The following SCN1A variants were observed in gnomAD, a reference collection of about 807,000 sequenced individuals.
The protein encoded by SCN1A is sodium voltage-gated channel alpha subunit 1.
A neutral mutation model predicts 193.7 loss-of-function variants in SCN1A; 13 were observed. The ratio of observed to expected loss-of-function variants is 0.07; its 90% CI spans 0.04 to 0.11. The LOEUF is 0.11. Ranked by LOEUF, SCN1A falls within the 10% of genes least tolerant of loss-of-function variation. SCN1A has a pLI of 1.00. For synonymous variants in SCN1A, 781 were observed against 843.6 expected, an observed-to-expected ratio of 0.93 and a Z score of 1.29; for missense variants, 1,432 against 2,451.1, an observed-to-expected ratio of 0.58 and a Z score of 8.78.
At chr2:166,071,015 G>A (rs17800893) in intron 4 of SCN1A, among the ~76,000 whole-genome samples, 4,364 of 152,204 alleles carry the variant, frequency 0.029, 71 homozygotes, top group Non-Finnish European at 0.043. Context: ...GTAGCAAAAG[G>A]CCTGTTGAGG....
intron 2 of SCN1A, among the ~76,000 whole-genome samples, chr2:166,122,540 A>G (rs1258569994): frequency 1.3e-5 from 2 of 152,210 alleles, no homozygotes; most frequent in Non-Finnish European, 2.9e-5. Flanking sequence ...CTTAAAAGAT[A>G]TATCCCTAGT....
chr2:166,073,590 G>A lies in SCN1A; in HGVS notation c.32C>T (p.Pro11Leu), dbSNP rs1350460260. 1 of 1,613,980 alleles carries A rather than the reference G, an allele frequency of 6.2e-7. No individual in the cohort carries two copies. The highest frequency in any genetic ancestry group is 8.5e-7 in the Non-Finnish European group (1 of 1,180,024). The change falls in exon 4 of 29, where the codon CCT becomes CTT. Residue 11 changes from proline to leucine, a missense_variant. Physicochemically the swap from Pro to Leu is moderately conservative, Grantham distance 98. Transcript: ENST00000674923. Reference sequence around the variant, plus strand: ...TCTGGTGAAGAAGTTGAAGCTGTCAGGTCCTGGTGGTACAAGCACTGTTTG... The same window carrying A: ...TCTGGTGAAGAAGTTGAAGCTGTCAAGTCCTGGTGGTACAAGCACTGTTTG... MEQTVLVPPG[P>L]DSFNFFTRES...
At chr2:166,123,223 C>CAAAAAAAA (rs57488795) in intron 2 of SCN1A, among the ~76,000 whole-genome samples, 17 of 116,386 alleles carry the variant, frequency 1.5e-4, no homozygotes, top group South Asian at 8.4e-4. Context: ...CATTCATTTG[C>CAAAAAAAA]AAAAAAAAAA....
chr2:166,048,788 T>G, intron 10 of SCN1A, 98 bp downstream of exon 10: 1 of 797,602 alleles, frequency 1.3e-6, no homozygotes, highest in South Asian at 1.5e-5. Flanking sequence ...ATAAAATTAG[T>G]TGGCTGTTAT....
chr2:166,041,502 A>G (rs1226838340), intron 15 of SCN1A, 33 bp from the exon 16 acceptor site: 6 of 1,313,260 alleles, frequency 4.6e-6, no homozygotes, highest in Non-Finnish European at 6.5e-6. Context: ...AAGAACCACC[A>G]AAAGGTATAC....
At chr2:166,133,547 C>T (rs1691741581) in intron 1 of SCN1A, among the ~76,000 whole-genome samples, 1 of 152,112 alleles carries the variant, frequency 6.6e-6, no homozygotes, top group Non-Finnish European at 1.5e-5. Flanking sequence ...GATGTAATAG[C>T]ATTATTCCTC....
At chr2:165,996,321 T>C (rs1690052512) in intron 26 of SCN1A, 1 of 408,000 alleles carries the variant, frequency 2.5e-6, no homozygotes, top group African/African-American at 2.1e-5. Context: ...AAATTGACTT[T>C]ATTATTATTA....
chr2:166,033,524 C>T (rs1695917778), intron 19 of SCN1A, among the ~76,000 whole-genome samples: 1 of 151,780 alleles, frequency 6.6e-6, no homozygotes, highest in African/African-American at 2.4e-5. Context: ...AAAAAACTGG[C>T]CTATTAAAGG....
At chr2:166,025,378 G>T (rs1694625143) in intron 19 of SCN1A, among the ~76,000 whole-genome samples, 1 of 152,126 alleles carries the variant, frequency 6.6e-6, no homozygotes, top group African/African-American at 2.4e-5. Flanking sequence ...CTGGCCACAT[G>T]GCTGCTGTAT....
At chr2:166,128,379 A>G (rs1028115521), upstream of SCN1A, among the ~76,000 whole-genome samples, 2 of 152,170 alleles carry the variant, frequency 1.3e-5, no homozygotes, top group Non-Finnish European at 2.9e-5. Context: ...AATCATTGTT[A>G]TCTATAAAAA....
intron 2 of SCN1A, among the ~76,000 whole-genome samples, chr2:166,083,522 A>C (rs891627488): frequency 2.6e-5 from 4 of 151,898 alleles, no homozygotes; most frequent in Non-Finnish European, 4.4e-5. Context: ...TTCAGATCTC[A>C]GGCAAAAAAT....
intron 4 of SCN1A, among the ~76,000 whole-genome samples, chr2:166,061,623 TTCTGA>T (rs78082384): frequency 0.19 from 29,004 of 151,994 alleles, 3,109 homozygotes; most frequent in East Asian, 0.34. Context: ...ATGCTAATTA[TTCTGA>T]TCTGATCACT....
intron 4 of SCN1A, among the ~76,000 whole-genome samples, chr2:166,072,168 C>CA (rs978050260): frequency 6.6e-6 from 1 of 152,068 alleles, no homozygotes. Context: ...CCAGGTCCAA[C>CA]AAAAAAATTT....
chr2:165,993,487 T>A (rs1339917294), intron 28 of SCN1A: 1 of 152,168 alleles, frequency 6.6e-6, no homozygotes, highest in Non-Finnish European at 1.5e-5. Context: ...AGAGCTTTAG[T>A]TTTGTCTAAT....
chr2:166,030,036 G>A (rs1344072366), intron 19 of SCN1A, among the ~76,000 whole-genome samples: 1 of 152,154 alleles, frequency 6.6e-6, no homozygotes, highest in African/African-American at 2.4e-5. Context: ...TGCCCAATGT[G>A]CAGTGATTGG....
At chr2:166,148,001 C>G (rs1056122426) in intron 1 of SCN1A, among the ~76,000 whole-genome samples, 1 of 152,158 alleles carries the variant, frequency 6.6e-6, no homozygotes, top group Non-Finnish European at 1.5e-5. Flanking sequence ...GACACCAAAA[C>G]AAATGATTGA....
At chr2:166,091,192 C>A (rs2106082751) in intron 2 of SCN1A, among the ~76,000 whole-genome samples, 1 of 152,276 alleles carries the variant, frequency 6.6e-6, no homozygotes, top group African/African-American at 2.4e-5. Flanking sequence ...GAAATAAAAT[C>A]ATTTCTTTCC....
At chr2:166,142,267 G>A (rs1031040672) in intron 1 of SCN1A, among the ~76,000 whole-genome samples, 6 of 152,142 alleles carry the variant, frequency 3.9e-5, no homozygotes, top group African/African-American at 1.4e-4. Context: ...CAAATAGTTT[G>A]CTTTTTATTT....
intron 23 of SCN1A, among the ~76,000 whole-genome samples, chr2:166,005,826 T>C (rs1462620780): frequency 1.3e-5 from 2 of 151,278 alleles, no homozygotes; most frequent in Non-Finnish European, 3.0e-5. Flanking sequence ...AAATTTCAAA[T>C]TGAACTTTCA....
Sources: gnomAD v4.1 joint callset for allele counts (sites outside exome capture counted in the v4.1 genomes callset) on GRCh38, gnomAD v4.1.1 for gene constraint, MANE v1.5 for transcripts, NCBI Gene and HGNC (gene_info 2026-07-23, HGNC 2026-07-21) for gene names.